MCC: variants seen among roughly 807,000 people sequenced by gnomAD.
MCC encodes the protein colorectal mutant cancer protein.
A neutral mutation model predicts 116.2 loss-of-function variants in MCC; 90 were observed. That is an observed-to-expected ratio of 0.77 (90% CI 0.65 to 0.92). The LOEUF is 0.92. MCC is among the 40% of genes least tolerant of loss of function. The pLI, the probability that MCC is intolerant of heterozygous loss-of-function variation, is 0.00. For synonymous variants in MCC, 578 were observed against 510.5 expected (o/e 1.13, Z -1.78); for missense variants, 1,516 against 1,312.2 (o/e 1.16, Z -2.40).
At chr5:113,190,621 A>G (rs1232852817) in intron 3 of MCC, among the ~76,000 whole-genome samples, 1 of 152,156 alleles carries the variant, frequency 6.6e-6, no homozygotes, top group African/African-American at 2.4e-5. Flanking sequence ...AACAGACAAA[A>G]CAACTACAAA....
At chr5:113,488,111 G>A in intron 1 of MCC, 134 bp downstream of exon 1, 1 of 899,236 alleles carries the variant, frequency 1.1e-6, no homozygotes, top group Non-Finnish European at 1.6e-6. Flanking sequence ...CGCGCTCTCG[G>A]AGTCGCGGCC....
At chr5:113,459,393 C>T (rs1257549605) in intron 1 of MCC, among the ~76,000 whole-genome samples, 1 of 151,644 alleles carries the variant, frequency 6.6e-6, no homozygotes, top group Non-Finnish European at 1.5e-5. Flanking sequence ...AAAAAATTGG[C>T]CGGGCGTGGT....
At chr5:113,157,447 G>A (rs770386890) in intron 3 of MCC, among the ~76,000 whole-genome samples, 2 of 152,222 alleles carry the variant, frequency 1.3e-5, no homozygotes, top group Admixed American at 6.5e-5. Flanking sequence ...GGGCCCAAAG[G>A]CACCTGCAGC....
intron 17 of MCC, among the ~76,000 whole-genome samples, chr5:113,035,365 A>G (rs1181125605): frequency 1.3e-5 from 2 of 152,232 alleles, no homozygotes; most frequent in Admixed American, 6.5e-5. Flanking sequence ...CACCCGGACA[A>G]CCACAACAGC....
intron 3 of MCC, among the ~76,000 whole-genome samples, chr5:113,230,493 T>C (rs530144044): frequency 6.6e-6 from 1 of 152,322 alleles, no homozygotes; most frequent in East Asian, 1.9e-4. Flanking sequence ...CCTTCTAGCA[T>C]AATGAGCTGA....
At chr5:113,119,187 G>C (rs1581101113) in intron 6 of MCC, among the ~76,000 whole-genome samples, 1 of 152,232 alleles carries the variant, frequency 6.6e-6, no homozygotes, top group East Asian at 1.9e-4. Flanking sequence ...GGCAGGTGAA[G>C]TCCCTGCCCG....
At chr5:113,165,818 G>A (rs1469841186) in intron 3 of MCC, among the ~76,000 whole-genome samples, 4 of 152,146 alleles carry the variant, frequency 2.6e-5, no homozygotes, top group Non-Finnish European at 2.9e-5. Flanking sequence ...TGCTGAGGGA[G>A]GTGGGGAGCT....
At position 113,327,545 on chromosome 5, in the gene MCC, C is replaced by CAAAAA. The variant is rs1189402090; in HGVS notation, c.627+12969_627+12973dup. ...TGGGTGACAGAGTAAGACTCAGTCT[C>CAAAAA]AAAAAAAAAAAAAAAAATATATATA... On this transcript the variant is annotated intron_variant, in intron 3 of 18. Coordinates refer to ENST00000408903, the MANE Select transcript of MCC (RefSeq NM_001085377.2). Among the ~76,000 whole-genome samples, 549 of 57,150 alleles carry CAAAAA rather than the reference C, an allele frequency of 9.6e-3. 17 individuals are homozygous for CAAAAA. The highest frequency in any genetic ancestry group is 0.019 in the African/African-American group (201 of 10,732). 37.5% of individuals were successfully genotyped at this position (57,150 alleles called of 152,430 possible). A position where few individuals can be genotyped will look rare whatever the true frequency, so the allele number is the denominator to read the frequency against.
intron 3 of MCC, among the ~76,000 whole-genome samples, chr5:113,201,754 C>T (rs779101724): frequency 6.6e-6 from 1 of 152,078 alleles, no homozygotes; most frequent in Non-Finnish European, 1.5e-5. Context: ...TTCATTAATG[C>T]CCAAGACAAC....
At chr5:113,318,364 T>G (rs2150370385) in intron 3 of MCC, among the ~76,000 whole-genome samples, 1 of 152,292 alleles carries the variant, frequency 6.6e-6, no homozygotes. Flanking sequence ...CTTTCATATA[T>G]CACCTTTACA....
At chr5:113,341,556 G>A (rs957330204) in intron 2 of MCC, among the ~76,000 whole-genome samples, 4 of 152,218 alleles carry the variant, frequency 2.6e-5, no homozygotes, top group African/African-American at 4.8e-5. Context: ...GTTAGGGATA[G>A]CAATGAAGCT....
At chr5:113,415,098 A>G (rs1365103503) in intron 1 of MCC, among the ~76,000 whole-genome samples, 1 of 151,946 alleles carries the variant, frequency 6.6e-6, no homozygotes, top group Non-Finnish European at 1.5e-5. Flanking sequence ...ATTGGCCCCC[A>G]CTCTCTTCTG....
intron 1 of MCC, among the ~76,000 whole-genome samples, chr5:113,468,302 A>G (rs1771973966): frequency 1.3e-5 from 2 of 152,180 alleles, no homozygotes; most frequent in East Asian, 1.9e-4. Context: ...CATTCAGTAT[A>G]ATATTGGCTG....
At chr5:113,046,315 C>T (rs987247411) in intron 16 of MCC, among the ~76,000 whole-genome samples, 1 of 152,024 alleles carries the variant, frequency 6.6e-6, no homozygotes, top group African/African-American at 2.4e-5. Flanking sequence ...GCCGCAGCCT[C>T]CCGAGTAGCT....
intron 1 of MCC, among the ~76,000 whole-genome samples, chr5:113,416,732 A>G (rs1331859859): frequency 1.3e-5 from 2 of 152,178 alleles, no homozygotes; most frequent in African/African-American, 4.8e-5. Context: ...TTTCCATTTT[A>G]AATAATTTTT....
intron 3 of MCC, among the ~76,000 whole-genome samples, chr5:113,200,391 T>C (rs1762624809): frequency 1.3e-5 from 2 of 152,168 alleles, no homozygotes; most frequent in Non-Finnish European, 2.9e-5. Flanking sequence ...TGGGTCAAGA[T>C]GACTTGACAG....
chr5:113,309,894 C>T (rs570636295), intron 3 of MCC, among the ~76,000 whole-genome samples: 2 of 148,154 alleles, frequency 1.3e-5, no homozygotes, highest in African/African-American at 5.0e-5. Flanking sequence ...TTCTTCCTTC[C>T]TTCTTTCCTT....
rs927316359 is a variant in MCC at position 113,340,637 on chromosome 5, T to C, written c.509A>G (p.Lys170Arg). Residue 170 changes from lysine (K) to arginine (R), a missense_variant, in exon 3 of 19, where the codon AAG becomes AGG. Lys to Arg is a conservative substitution (Grantham distance 26). Coordinates refer to ENST00000408903, the MANE Select transcript of MCC (RefSeq NM_001085377.2). ...AGAGCTTCCGCCATACTCGAGCAGC[T>C]TCTGGAGGGCTGACTGGCTCTGCAC... ...PDVQSQSALQ[K>R]LLEYGGSSLH... The C allele has an allele frequency of 6.2e-7, 1 of 1,614,052 alleles. No homozygotes were observed. The highest frequency in any genetic ancestry group is 1.3e-5 in the African/African-American group (1 of 74,932).
chr5:113,140,959 A>C (rs1055545710), intron 5 of MCC, among the ~76,000 whole-genome samples: 1 of 152,210 alleles, frequency 6.6e-6, no homozygotes, highest in Non-Finnish European at 1.5e-5. Flanking sequence ...GAGAAATGTT[A>C]AAGCGTTGTT....
Sources: gnomAD v4.1 joint callset for allele counts (sites outside exome capture counted in the v4.1 genomes callset) on GRCh38, gnomAD v4.1.1 for gene constraint, MANE v1.5 for transcripts, NCBI Gene and HGNC (gene_info 2026-07-23, HGNC 2026-07-21) for gene names.